Variants in KCTD16 observed in about 807,000 individuals in gnomAD.
KCTD16 encodes the protein BTB/POZ domain-containing protein KCTD16.
In KCTD16, 13 loss-of-function variants were observed where a neutral mutation model predicts 33.2. The ratio of observed to expected loss-of-function variants is 0.39; its 90% CI spans 0.25 to 0.62. The LOEUF (loss-of-function observed/expected upper bound fraction) is 0.62, where lower values mean the gene tolerates loss of function less well. KCTD16 is among the 20% of genes least tolerant of loss of function. The pLI is 0.50. For synonymous variants in KCTD16, 197 were observed against 195.3 expected (o/e 1.01, Z -0.07); for missense variants, 441 against 525.1 (o/e 0.84, Z 1.57).
intron 3 of KCTD16, among the ~76,000 whole-genome samples, chr5:144,366,149 A>G (rs1305341728): frequency 6.6e-6 from 1 of 152,208 alleles, no homozygotes; most frequent in Non-Finnish European, 1.5e-5. Context: ...ACCTGATACC[A>G]AGAAATGCTC....
chr5:144,300,374 G>C (rs1048878435), intron 3 of KCTD16, among the ~76,000 whole-genome samples: 5 of 152,132 alleles, frequency 3.3e-5, no homozygotes, highest in African/African-American at 1.2e-4. Flanking sequence ...CTTGCAATCT[G>C]TCCTGAATGC....
intron 3 of KCTD16, among the ~76,000 whole-genome samples, chr5:144,451,475 C>T (rs890228623): frequency 4.6e-5 from 7 of 152,068 alleles, no homozygotes; most frequent in African/African-American, 1.4e-4. Context: ...AAGAAGAAGA[C>T]ATTAATTACA....
At chr5:144,247,504 G>A (rs1443989736) in intron 3 of KCTD16, among the ~76,000 whole-genome samples, 2 of 152,160 alleles carry the variant, frequency 1.3e-5, no homozygotes, top group East Asian at 3.9e-4. Flanking sequence ...TCCAAACATG[G>A]GAGCACAGAT....
intron 3 of KCTD16, among the ~76,000 whole-genome samples, chr5:144,346,998 T>A (rs1168707775): frequency 6.6e-6 from 1 of 152,192 alleles, no homozygotes; most frequent in Non-Finnish European, 1.5e-5. Context: ...ATTCTTATAT[T>A]TAAGTCTTTA....
chr5:144,322,065 G>A (rs1360794356), intron 3 of KCTD16, among the ~76,000 whole-genome samples: 2 of 152,106 alleles, frequency 1.3e-5, no homozygotes, highest in Non-Finnish European at 2.9e-5. Context: ...TAAATTTTGT[G>A]AAATTACATC....
chr5:144,458,388 C>T (rs1447677421), intron 3 of KCTD16, among the ~76,000 whole-genome samples: 1 of 152,176 alleles, frequency 6.6e-6, no homozygotes, highest in Non-Finnish European at 1.5e-5. Flanking sequence ...TTGATTTACA[C>T]AACACCTGTA....
rs116138160 is a variant in KCTD16 at position 144,203,897 on chromosome 5, A to C, written c.-326-2492A>C. Among the ~76,000 whole-genome samples, 851 of 152,382 alleles carry C rather than the reference A, an allele frequency of 5.6e-3. 5 individuals carry two copies. The highest frequency in any genetic ancestry group is 0.01 in the Non-Finnish European group (705 of 68,034). On this transcript the variant is annotated intron_variant, in intron 2 of 3. Transcript: ENST00000512467. ...AATGTTTTGGCCCTATTAAGTTGCC[A>C]GATACAGAGCTGCACTGATAGCTTA...
intron 3 of KCTD16, among the ~76,000 whole-genome samples, chr5:144,308,528 A>G (rs1404015773): frequency 6.6e-6 from 1 of 152,206 alleles, no homozygotes; most frequent in Non-Finnish European, 1.5e-5. Flanking sequence ...TTACCTCAAC[A>G]GGAAACTCAA....
chr5:144,238,633 G>A (rs1213291675), intron 3 of KCTD16, among the ~76,000 whole-genome samples: 1 of 152,056 alleles, frequency 6.6e-6, no homozygotes, highest in Non-Finnish European at 1.5e-5. Context: ...TTCAGTGTAG[G>A]CTTTGCTCCT....
intron 3 of KCTD16, among the ~76,000 whole-genome samples, chr5:144,263,620 G>T (rs1019781310): frequency 2.6e-5 from 4 of 152,086 alleles, no homozygotes; most frequent in Admixed American, 2.6e-4. Flanking sequence ...AGTATTAGAA[G>T]ATTAAAAAAA....
chr5:144,451,694 G>A (rs75135046), intron 3 of KCTD16, among the ~76,000 whole-genome samples: 2,604 of 152,202 alleles, frequency 0.017, 31 homozygotes, highest in Non-Finnish European at 0.024. Flanking sequence ...TCATAATTAA[G>A]TCTTTCAGTT....
At position 144,261,125 on chromosome 5, in the gene KCTD16, A is replaced by C. The variant is rs1165768606; in HGVS notation, c.832+53579A>C. ...CACTGATACAGGCTAAAAATGAACA[A>C]ATGAAAGAAGGAGCTGTATTTCAGC... is the stretch of plus-strand genomic sequence containing the variant. On this transcript the variant is annotated intron_variant, in intron 3 of 3. Coordinates refer to ENST00000512467, the MANE Select transcript of KCTD16 (RefSeq NM_020768.4). Among the ~76,000 whole-genome samples, 6 of 151,204 alleles carry C rather than the reference A, an allele frequency of 4.0e-5. No individual in the cohort carries two copies. In the South Asian group the frequency reaches 1.3e-3, roughly 32 times the overall value.
At chr5:144,198,065 C>T (rs1333635476) in intron 2 of KCTD16, among the ~76,000 whole-genome samples, 2 of 152,130 alleles carry the variant, frequency 1.3e-5, no homozygotes, top group East Asian at 1.9e-4. Context: ...GGGTGGTTTT[C>T]GCAGTCAGCT....
intron 3 of KCTD16, among the ~76,000 whole-genome samples, chr5:144,230,959 G>A (rs1357699313): frequency 6.6e-6 from 1 of 152,212 alleles, no homozygotes; most frequent in African/African-American, 2.4e-5. Flanking sequence ...GCCTCATAGT[G>A]AGAGCACAAG....
intron 3 of KCTD16, chr5:144,439,396 G>A (rs1753649875): frequency 4.0e-6 from 2 of 499,630 alleles, no homozygotes; most frequent in South Asian, 3.2e-5. Context: ...AGTCAGGGAT[G>A]AGTCCATTAT....
chr5:144,353,927 T>C (rs1406315064), intron 3 of KCTD16, among the ~76,000 whole-genome samples: 1 of 152,180 alleles, frequency 6.6e-6, no homozygotes, highest in African/African-American at 2.4e-5. Flanking sequence ...ACATATCTTT[T>C]TCATTTGAAC....
intron 3 of KCTD16, among the ~76,000 whole-genome samples, chr5:144,231,395 T>G (rs1754098586): frequency 6.6e-6 from 1 of 152,170 alleles, no homozygotes; most frequent in African/African-American, 2.4e-5. Flanking sequence ...AAGCTCACAT[T>G]CTAGTGGAGC....
chr5:144,456,104 A>G (rs540826903), intron 3 of KCTD16, among the ~76,000 whole-genome samples: 87 of 152,246 alleles, frequency 5.7e-4, no homozygotes, highest in African/African-American at 2.0e-3. Flanking sequence ...GGAATGGGGT[A>G]TGATTTTGGA....
intron 3 of KCTD16, among the ~76,000 whole-genome samples, chr5:144,340,514 G>A (rs992976567): frequency 1.1e-4 from 16 of 152,012 alleles, no homozygotes; most frequent in African/African-American, 3.6e-4. Context: ...AGCAGTGTCT[G>A]AGTGTGTCCA....
Sources: gnomAD v4.1 joint callset for allele counts (sites outside exome capture counted in the v4.1 genomes callset) on GRCh38, gnomAD v4.1.1 for gene constraint, MANE v1.5 for transcripts, NCBI Gene and HGNC (gene_info 2026-07-23, HGNC 2026-07-21) for gene names.